Variants in TOPBP1 observed in about 807,000 individuals in gnomAD.
The protein encoded by TOPBP1 is DNA topoisomerase 2-binding protein 1.
A neutral mutation model predicts 167.7 loss-of-function variants in TOPBP1; 28 were observed. That is an observed-to-expected ratio of 0.17 (90% confidence interval 0.12 to 0.23). TOPBP1 has a LOEUF of 0.23. Ranked by LOEUF, TOPBP1 falls within the 10% of genes least tolerant of loss-of-function variation. TOPBP1 has a pLI of 1.00. For missense variants in TOPBP1, 1,554 were observed against 1,809.6 expected (o/e 0.86, Z 2.56); for synonymous variants, 598 against 611.4 (o/e 0.98, Z 0.32).
At chr3:133,650,345 G>C (rs1218616521) in intron 8 of TOPBP1, among the ~76,000 whole-genome samples, 1 of 121,700 alleles carries the variant, frequency 8.2e-6, no homozygotes, top group Non-Finnish European at 1.6e-5. Flanking sequence ...TGAACACCTG[G>C]GCTTAAATTG....
intron 21 of TOPBP1, 79 bp from the exon 22 acceptor site, chr3:133,617,405 C>T: frequency 7.2e-7 from 1 of 1,392,910 alleles, no homozygotes. Flanking sequence ...TCTCATCTGT[C>T]TTAGTCAAGA....
At chr3:133,611,291 T>C in intron 24 of TOPBP1, 150 bp from the exon 25 acceptor site, 1 of 626,266 alleles carries the variant, frequency 1.6e-6, no homozygotes, top group East Asian at 3.2e-5. Context: ...TAAATATTGT[T>C]TTATGAGCAT....
chr3:133,637,393 T>A (rs1935713131), intron 14 of TOPBP1, among the ~76,000 whole-genome samples: 1 of 152,148 alleles, frequency 6.6e-6, no homozygotes. Flanking sequence ...CAGACTTAAC[T>A]CATGTCTTTA....
At position 133,638,137 on chromosome 3, in the gene TOPBP1, T is replaced by G. The variant is rs1224089255; in HGVS notation, c.2259A>C (p.Thr753=). Residue 753 remains threonine, a synonymous_variant, in exon 14 of 28, where the codon ACA becomes ACC. Coordinates refer to ENST00000260810, the MANE Select transcript of TOPBP1 (RefSeq NM_007027.4). ...KEERSLETEI[T]NGINLNSDTA... ...TATCTGAATTTAGATTGATTCCATT[T>G]GTTATTTCTGTTTCCAAACTTCGTT... The G allele has an allele frequency of 6.2e-7, 1 of 1,613,368 alleles. No individual in the cohort carries two copies. Among genetic ancestry groups the G allele is most frequent in the Non-Finnish European group, 8.5e-7 (1 of 1,179,374 alleles).
intron 27 of TOPBP1, among the ~76,000 whole-genome samples, chr3:133,603,669 A>G (rs1055321370): frequency 6.6e-6 from 1 of 152,140 alleles, no homozygotes; most frequent in African/African-American, 2.4e-5. Context: ...GTAAACAACT[A>G]GCAACAAAGT....
chr3:133,632,677 C>T (rs975450175), intron 14 of TOPBP1, among the ~76,000 whole-genome samples: 4 of 152,196 alleles, frequency 2.6e-5, no homozygotes, highest in Non-Finnish European at 5.9e-5. Context: ...AGAAGTAGAT[C>T]CCAATGCCTC....
intron 8 of TOPBP1, 84 bp from the exon 9 acceptor site, chr3:133,650,027 G>A: frequency 8.8e-7 from 1 of 1,130,166 alleles, no homozygotes; most frequent in South Asian, 2.1e-5. Context: ...AATCCACTGT[G>A]TATAAATAAG....
intron 19 of TOPBP1, among the ~76,000 whole-genome samples, chr3:133,621,543 G>A (rs1181588076): frequency 1.3e-5 from 2 of 152,194 alleles, no homozygotes; most frequent in African/African-American, 4.8e-5. Context: ...AAAGTATACA[G>A]GAGGATGTGC....
At chr3:133,642,382 T>C (rs1362304332) in intron 12 of TOPBP1, among the ~76,000 whole-genome samples, 1 of 56,172 alleles carries the variant, frequency 1.8e-5, no homozygotes, top group Admixed American at 1.9e-4. Flanking sequence ...CTTTTTCAAG[T>C]CTTTTAGCTT....
intron 7 of TOPBP1, among the ~76,000 whole-genome samples, chr3:133,653,083 C>G (rs1408631943): frequency 1.3e-5 from 2 of 152,174 alleles, no homozygotes; most frequent in Non-Finnish European, 2.9e-5. Context: ...CTTAAGCCCC[C>G]AGCTACCATT....
intron 14 of TOPBP1, among the ~76,000 whole-genome samples, chr3:133,630,301 CT>C (rs35595195): frequency 0.15 from 20,931 of 137,294 alleles, 1,673 homozygotes; most frequent in Non-Finnish European, 0.21. Flanking sequence ...TGCCATGGAG[CT>C]TTTTTTTTTT....
Position 133,601,312 on chromosome 3 carries a change from A to G in TOPBP1, c.4507T>C (p.Leu1503=), listed in dbSNP as rs2107762675. Residue 1503 remains leucine (L), a synonymous_variant, in exon 28 of 28, where the codon TTA becomes CTA. Transcript: ENST00000260810. ...GTAGGAGCTTTCCTCTTTTGTGATA[A>G]TCCAGTCCCAAGTTCCTTATTATTC... The part of the protein sequence containing the change: ...IQNNKELGTG[L]SQKRKAPTEK... 1 of 1,606,508 alleles carries G rather than the reference A, an allele frequency of 6.2e-7. No individual in the cohort carries two copies. Among genetic ancestry groups the G allele is most frequent in the Admixed American group, 1.7e-5 (1 of 58,626 alleles).
At chr3:133,657,032 A>G (rs1400826519) in intron 4 of TOPBP1, among the ~76,000 whole-genome samples, 175 bp from the exon 5 acceptor site, 1 of 152,154 alleles carries the variant, frequency 6.6e-6, no homozygotes, top group Non-Finnish European at 1.5e-5. Flanking sequence ...TATGAATTAT[A>G]TTTTTAAAAT....
At chr3:133,634,516 A>G (rs1020890179) in intron 14 of TOPBP1, among the ~76,000 whole-genome samples, 1 of 149,252 alleles carries the variant, frequency 6.7e-6, no homozygotes, top group Non-Finnish European at 1.5e-5. Flanking sequence ...ACTCTGTCTT[A>G]AAAAAAAAAG....
chr3:133,620,496 A>G (rs2887747), intron 19 of TOPBP1, 149 bp from the exon 20 acceptor site: 648,001 of 740,220 alleles, frequency 0.88, 284,410 homozygotes, highest in East Asian at 0.97. Context: ...AATGTACTAA[A>G]ACTATGAATA....
chr3:133,619,708 A>C (rs1319707356), intron 20 of TOPBP1, among the ~76,000 whole-genome samples: 1 of 152,244 alleles, frequency 6.6e-6, no homozygotes, highest in African/African-American at 2.4e-5. Flanking sequence ...AGAACTGCCT[A>C]CTGAATCCAT....
At chr3:133,626,011 A>G (rs1935255188) in intron 16 of TOPBP1, among the ~76,000 whole-genome samples, 1 of 152,210 alleles carries the variant, frequency 6.6e-6, no homozygotes, top group South Asian at 2.1e-4. Flanking sequence ...TTCAGTCTTC[A>G]GAGGCCATTC....
chr3:133,627,589 A>C (rs908124351), intron 16 of TOPBP1, among the ~76,000 whole-genome samples: 1 of 152,216 alleles, frequency 6.6e-6, no homozygotes, highest in Non-Finnish European at 1.5e-5. Context: ...ATAGAAAACA[A>C]ACTGAAATAA....
In TOPBP1 at chr3:133,655,335, A is replaced by G; in HGVS notation, c.697T>C (p.Leu233=). The change falls in exon 6 of 28, where the codon TTG becomes CTG. Residue 233 remains leucine (L), a synonymous_variant. Transcript: ENST00000260810. ...VKHGGQYMGQ[L]KMNECTHLIV... Reference sequence around the variant, plus strand: ...AGGTGTGTACATTCATTCATTTTCAATTGTCCCATGTATTGACCTCCATGC... The same window carrying G: ...AGGTGTGTACATTCATTCATTTTCAGTTGTCCCATGTATTGACCTCCATGC... The G allele has an allele frequency of 4.4e-6, 7 of 1,580,984 alleles. No homozygotes were observed. The highest frequency in any genetic ancestry group is 6.0e-6 in the Non-Finnish European group (7 of 1,164,256).
Sources: gnomAD v4.1 joint callset for allele counts (sites outside exome capture counted in the v4.1 genomes callset) on GRCh38, gnomAD v4.1.1 for gene constraint, MANE v1.5 for transcripts, NCBI Gene and HGNC (gene_info 2026-07-23, HGNC 2026-07-21) for gene names.